Variants in SPIRE1 observed in about 807,000 individuals in gnomAD.
SPIRE1 encodes the protein spire type actin nucleation factor 1.
In SPIRE1, 40 loss-of-function variants were observed where a neutral mutation model predicts 94.1. The observed-to-expected ratio is 0.43, with a 90% CI of 0.33 to 0.55. SPIRE1 has a LOEUF of 0.55. Among genes scored for constraint, SPIRE1 ranks in the 20% least tolerant of loss-of-function variants. The pLI, the probability that SPIRE1 is intolerant of heterozygous loss-of-function variation, is 0.06. For synonymous variants in SPIRE1, 376 were observed against 371.7 expected, an observed-to-expected ratio of 1.01 and a Z score of -0.13; for missense variants, 838 against 975.2, an observed-to-expected ratio of 0.86 and a Z score of 1.87.
intron 2 of SPIRE1, among the ~76,000 whole-genome samples, chr18:12,589,563 T>C (rs2036474769): frequency 1.3e-5 from 2 of 152,184 alleles, no homozygotes; most frequent in Non-Finnish European, 2.9e-5. Flanking sequence ...CCAGGTGCAC[T>C]TAGGTAAAAG....
intron 4 of SPIRE1, among the ~76,000 whole-genome samples, chr18:12,531,341 T>TA (rs1192776990): frequency 1.3e-5 from 2 of 152,212 alleles, no homozygotes; most frequent in Admixed American, 6.5e-5. Context: ...AGCCAAATCT[T>TA]AGTCTTTCTG....
chr18:12,541,390 A>T (rs905784909), intron 3 of SPIRE1, among the ~76,000 whole-genome samples: 12 of 152,218 alleles, frequency 7.9e-5, no homozygotes, highest in Admixed American at 3.9e-4. Context: ...TTGTACTGAT[A>T]CTAAGAGAGG....
intron 9 of SPIRE1, among the ~76,000 whole-genome samples, chr18:12,483,525 T>C (rs1268080905): frequency 6.6e-6 from 1 of 152,176 alleles, no homozygotes; most frequent in East Asian, 1.9e-4. Context: ...ATTAAATATA[T>C]GTGTCTGCTG....
chr18:12,518,411 T>C (rs896808257), intron 4 of SPIRE1, among the ~76,000 whole-genome samples: 2 of 151,838 alleles, frequency 1.3e-5, no homozygotes, highest in African/African-American at 4.8e-5. Context: ...AAGGACTGCC[T>C]GAACCTGGGT....
rs374653540 is a variant in SPIRE1, at chr18:12,449,677, C to T, written c.2232G>A (p.Ser744=). 46 of 1,614,016 alleles carry T rather than the reference C, an allele frequency of 2.9e-5. No homozygotes were observed. Among genetic ancestry groups the T allele is most frequent in the South Asian group, 4.4e-5 (4 of 91,076 alleles). ...TCGTCCTCTCTGAAGGGCAGTACTC[C>T]GAGGGGCCTGGCGAGGACATGTAGA... ...QSFYMSSPGP[S]EYCPSERTIS... Residue 744 remains serine (S), a synonymous_variant, in exon 17 of 17, where the codon TCG becomes TCA. Transcript: ENST00000409402.
intron 2 of SPIRE1, among the ~76,000 whole-genome samples, chr18:12,562,804 A>AT (rs2035724760): frequency 6.6e-6 from 1 of 152,016 alleles, no homozygotes; most frequent in Admixed American, 6.6e-5. Context: ...GCCACTACAC[A>AT]TAGCCTATAG....
Position 12,558,265 on chromosome 18 carries a change from G to A in SPIRE1, c.373-11361C>T, listed in dbSNP as rs375774163. 1.6e-4 allele frequency among the ~76,000 whole-genome samples: 25 copies of A among 152,240 alleles called. No individual in the cohort carries two copies. In the East Asian group the frequency reaches 3.1e-3, roughly 19 times the overall value. On this transcript the variant is annotated intron_variant, in intron 2 of 16. Coordinates refer to ENST00000409402, the MANE Select transcript of SPIRE1 (RefSeq NM_001128626.2). ...CAGGAGTGAAGCTGCAGACCTTTGC[G>A]GTGAGTGTTACAGTTCTTAAAAGCG...
At position 12,608,083 on chromosome 18, in the gene SPIRE1, G is replaced by C. The variant is rs188150464; in HGVS notation, c.372+26979C>G. ...TGAGGCAGGGGAATGACGTGAACTC[G>C]GGTGGCGGAGCTTGCAGTGAGCCGA... On this transcript the variant is annotated intron_variant, in intron 2 of 16. Coordinates refer to ENST00000409402, the MANE Select transcript of SPIRE1 (RefSeq NM_001128626.2). Among the ~76,000 whole-genome samples the C allele has an allele frequency of 3.6e-3, 546 of 151,872 alleles. 1 individual carries two copies. The highest frequency in any genetic ancestry group is 0.012 in the African/African-American group (515 of 41,434).
At position 12,447,187 on chromosome 18, in the gene SPIRE1, G is replaced by A. The variant is rs2030974432; in HGVS notation, c.*2451C>T. 1 of 152,206 alleles carries A rather than the reference G, an allele frequency of 6.6e-6. No individual in the cohort carries two copies. Among genetic ancestry groups the A allele is most frequent in the Admixed American group, 6.5e-5 (1 of 15,280 alleles). 9.4% of individuals were successfully genotyped at this position (152,206 alleles called of 1,614,324 possible). A position where few individuals can be genotyped will look rare whatever the true frequency, so the allele number is the denominator to read the frequency against. Reference sequence around the variant, plus strand: ...CCTGGAGGGAGCTGAGATGAGAGCAGGGATGATGGTTCAGATACGCACACA... The same window carrying A: ...CCTGGAGGGAGCTGAGATGAGAGCAAGGATGATGGTTCAGATACGCACACA... On this transcript the variant is annotated 3_prime_UTR_variant, in exon 17 of 17. Transcript: ENST00000409402.
intron 2 of SPIRE1, among the ~76,000 whole-genome samples, chr18:12,557,440 G>A (rs984130078): frequency 1.3e-5 from 2 of 152,178 alleles, no homozygotes; most frequent in African/African-American, 2.4e-5. Flanking sequence ...CACTCCAAAT[G>A]TGGGGCCTGC....
chr18:12,471,146 G>A (rs989386384), intron 10 of SPIRE1, among the ~76,000 whole-genome samples: 3 of 149,450 alleles, frequency 2.0e-5, no homozygotes, highest in Admixed American at 1.3e-4. Flanking sequence ...GGCTAGCAAA[G>A]GTTATTAAAG....
intron 2 of SPIRE1, among the ~76,000 whole-genome samples, chr18:12,599,703 A>G (rs2036777594): frequency 6.6e-6 from 1 of 152,192 alleles, no homozygotes; most frequent in Admixed American, 6.5e-5. Flanking sequence ...CTTGGCAGAG[A>G]TACCTGGCAG....
Position 12,611,922 on chromosome 18 carries a change from C to T in SPIRE1, c.372+23140G>A, listed in dbSNP as rs574022365. ...CTCCTGAGCTCAAGTGATCCTCCTG[C>T]CTCCGCCTCCCAAAGTGCTGAGATT... On this transcript the variant is annotated intron_variant, in intron 2 of 16. Transcript: ENST00000409402. Among the ~76,000 whole-genome samples the T allele has an allele frequency of 3.2e-4, 49 of 152,118 alleles. No homozygotes were observed. The Middle Eastern group carries it at 0.024, about 74-fold the overall frequency.
chr18:12,486,292 C>A (rs1323667893), intron 8 of SPIRE1, among the ~76,000 whole-genome samples: 1 of 152,058 alleles, frequency 6.6e-6, no homozygotes, highest in East Asian at 1.9e-4. Context: ...TTTAAAGAAT[C>A]ACAGAATAAG....
chr18:12,478,686 G>A (rs1260786694), intron 10 of SPIRE1, among the ~76,000 whole-genome samples: 1 of 151,998 alleles, frequency 6.6e-6, no homozygotes, highest in Non-Finnish European at 1.5e-5. Context: ...GAGGGAGAAG[G>A]GAGGGAAGAA....
intron 2 of SPIRE1, among the ~76,000 whole-genome samples, chr18:12,591,703 C>T (rs970202784): frequency 6.6e-6 from 1 of 152,032 alleles, no homozygotes; most frequent in African/African-American, 2.4e-5. Context: ...AATAGGCTAG[C>T]GTGGTGGATC....
intron 2 of SPIRE1, among the ~76,000 whole-genome samples, chr18:12,573,012 A>G (rs2035996663): frequency 1.3e-5 from 2 of 152,232 alleles, no homozygotes; most frequent in Non-Finnish European, 2.9e-5. Flanking sequence ...AGAATTGACT[A>G]AGCTGGACTT....
intron 4 of SPIRE1, among the ~76,000 whole-genome samples, chr18:12,527,837 T>C (rs969815228): frequency 4.6e-5 from 7 of 152,056 alleles, no homozygotes; most frequent in Non-Finnish European, 7.4e-5. Context: ...GAGGCCGAGG[T>C]GGGTGGATCA....
chr18:12,539,576 T>TACACACACACGCACAC (rs1448599064), intron 3 of SPIRE1, among the ~76,000 whole-genome samples: 2 of 144,642 alleles, frequency 1.4e-5, no homozygotes, highest in Admixed American at 6.9e-5. Flanking sequence ...AACATACACA[T>TACACACACACGCACAC]ACACACACAC....
Sources: allele counts gnomAD v4.1 joint callset (sites outside exome capture counted in the v4.1 genomes callset), GRCh38; gene constraint gnomAD v4.1.1; transcripts MANE v1.5; gene names NCBI Gene and HGNC (gene_info 2026-07-23, HGNC 2026-07-21).